MTBP: variants seen among roughly 807,000 people sequenced by gnomAD.
MTBP encodes the protein MDM2 binding protein, also known as mdm2-binding protein.
Under a neutral mutation model 117.0 loss-of-function variants are expected in MTBP, and 101 were observed. The ratio of observed to expected loss-of-function variants is 0.86; its 90% CI spans 0.73 to 1.02. MTBP has a LOEUF of 1.02. MTBP is among the 50% of genes least tolerant of loss of function. MTBP has a pLI of 0.00. For synonymous variants in MTBP, 350 were observed against 351.5 expected (o/e 1.00, Z 0.05); for missense variants, 970 against 1,030.9 (o/e 0.94, Z 0.81).
At chr8:120,456,469 C>T in intron 6 of MTBP, 84 bp from the exon 7 acceptor site, 1 of 865,330 alleles carries the variant, frequency 1.2e-6, no homozygotes, top group African/African-American at 1.7e-5. Flanking sequence ...GCAATTTTGC[C>T]TCTTAGGCTT....
rs995785555 is a variant in MTBP, at chr8:120,522,795, A to G, written c.2676+76A>G. 28 of 1,123,728 alleles carry G rather than the reference A, an allele frequency of 2.5e-5. No individual in the cohort carries two copies. In the South Asian group the frequency reaches 2.5e-4, roughly 10 times the overall value. The allele number at this position is 1,123,728 out of a possible 1,614,324, so 69.6% of individuals were successfully genotyped here. A position where few individuals can be genotyped will look rare whatever the true frequency, so the allele number is the denominator to read the frequency against. On this transcript the variant is annotated intron_variant, in intron 21 of 21. Coordinates refer to ENST00000305949, the MANE Select transcript of MTBP (RefSeq NM_022045.5). Reference sequence around the variant, plus strand: ...TTCAGGGTTGCTCTGATGCCATTATATATGCAGCAGTAATCAGTTACTGGT... The same window carrying G: ...TTCAGGGTTGCTCTGATGCCATTATGTATGCAGCAGTAATCAGTTACTGGT...
intron 10 of MTBP, among the ~76,000 whole-genome samples, chr8:120,469,148 C>T (rs1813763456): frequency 6.6e-6 from 1 of 152,050 alleles, no homozygotes; most frequent in South Asian, 2.1e-4. Flanking sequence ...CAGGTTCAAG[C>T]AATTCTCCTG....
intron 10 of MTBP, among the ~76,000 whole-genome samples, chr8:120,465,875 A>G (rs1478623691): frequency 6.6e-6 from 1 of 152,084 alleles, no homozygotes; most frequent in Non-Finnish European, 1.5e-5. Context: ...CTATAGTTTA[A>G]CACAGGTGTA....
At chr8:120,480,965 GA>G (rs1442775190) in intron 11 of MTBP, among the ~76,000 whole-genome samples, 6 of 152,088 alleles carry the variant, frequency 3.9e-5, no homozygotes, top group African/African-American at 1.4e-4. Flanking sequence ...GATAATATTT[GA>G]AAAATTCTCC....
rs563860647 is a variant in MTBP, at chr8:120,463,834, G to A, written c.1047+73G>A. ...GCCATTTAAGGATGTGTAAGAAAAG[G>A]GAATGTAACTTATTAATCTGTTTGC... On this transcript the variant is annotated intron_variant, in intron 10 of 21. Transcript: ENST00000305949. 2.2e-5 allele frequency: 30 copies of A among 1,356,676 alleles called. No homozygotes were observed. The African/African-American group carries it at 4.4e-4, about 20-fold the overall frequency. 84.0% of individuals were successfully genotyped at this position (1,356,676 alleles called of 1,614,324 possible).
intron 2 of MTBP, among the ~76,000 whole-genome samples, chr8:120,448,294 A>G (rs916908384): frequency 1.3e-5 from 2 of 151,980 alleles, no homozygotes; most frequent in Non-Finnish European, 2.9e-5. Context: ...TGCTAGCCTC[A>G]TTTTCTCTGG....
Position 120,491,139 on chromosome 8 carries a change from C to A in MTBP, c.1447+569C>A, listed in dbSNP as rs940947507. 1.3e-5 allele frequency among the ~76,000 whole-genome samples: 2 copies of A among 151,942 alleles called. 1 individual carries two copies. The highest frequency in any genetic ancestry group is 4.1e-4 in the South Asian group (2 of 4,826). ...TGGCTATCAGTCTTATTTTTTAATA[C>A]AAATTTTAAGCATTCATTTGTTGCC... On this transcript the variant is annotated intron_variant, in intron 13 of 21. Coordinates refer to ENST00000305949, the MANE Select transcript of MTBP (RefSeq NM_022045.5).
Position 120,445,442 on chromosome 8 carries a change from C to G in MTBP, c.-29C>G, listed in dbSNP as rs372865507. ...GTCTGTTTGGATGTGGAAGCCGAGA[C>G]CTAAAGTTGGGGGGTGATCTCTGAG... On this transcript the variant is annotated 5_prime_UTR_variant, in exon 1 of 22. Transcript: ENST00000305949. 9 of 1,590,220 alleles carry G rather than the reference C, an allele frequency of 5.7e-6. No individual in the cohort carries two copies. Among genetic ancestry groups the G allele is most frequent in the Non-Finnish European group, 5.2e-6 (6 of 1,160,634 alleles).
chr8:120,451,110 G>A, intron 3 of MTBP, 34 bp downstream of exon 3: 2 of 1,578,730 alleles, frequency 1.3e-6, no homozygotes, highest in Non-Finnish European at 1.7e-6. Flanking sequence ...ACTAATGAAT[G>A]TCTTTACTAA....
At chr8:120,493,490 A>G (rs896868454) in intron 13 of MTBP, among the ~76,000 whole-genome samples, 7 of 136,968 alleles carry the variant, frequency 5.1e-5, no homozygotes, top group African/African-American at 2.2e-4. Flanking sequence ...GGGTGTATAT[A>G]TATAATTTTT....
At position 120,515,953 on chromosome 8, in the gene MTBP, G is replaced by C. The variant is rs772796677; in HGVS notation, c.2008G>C (p.Glu670Gln). The change falls in exon 18 of 22, where the codon GAA becomes CAA. Residue 670 changes from glutamate (E) to glutamine (Q), a missense_variant. Coordinates refer to ENST00000305949, the MANE Select transcript of MTBP (RefSeq NM_022045.5). Reference protein sequence around the residue: ...EYCLDDRKALERDGGFSELQS... With the variant: ...EYCLDDRKALQRDGGFSELQS... ...TTGCTTGGATGACCGAAAAGCTTTGGAAAGAGATGGAGGATTTTCTGAACT... is the reference window on the plus strand; with the variant it reads ...TTGCTTGGATGACCGAAAAGCTTTGCAAAGAGATGGAGGATTTTCTGAACT... 1 of 1,612,566 alleles carries C rather than the reference G, an allele frequency of 6.2e-7. No homozygotes were observed. Among genetic ancestry groups the C allele is most frequent in the Non-Finnish European group, 8.5e-7 (1 of 1,179,008 alleles).
At chr8:120,517,790 A>T in intron 18 of MTBP, 61 bp from the exon 19 acceptor site, 1 of 1,500,468 alleles carries the variant, frequency 6.7e-7, no homozygotes, top group Non-Finnish European at 9.1e-7. Flanking sequence ...TAAGACAGAA[A>T]ATGAACTTCG....
intron 17 of MTBP, among the ~76,000 whole-genome samples, chr8:120,510,738 C>CA (rs964609232): frequency 4.0e-5 from 6 of 151,136 alleles, no homozygotes; most frequent in South Asian, 2.1e-4. Context: ...CCTGTCTCTA[C>CA]AAAAAAAATA....
At position 120,517,870 on chromosome 8, in the gene MTBP, T is replaced by G. The variant is rs765536199; in HGVS notation, c.2266T>G (p.Ser756Ala). ...ATATAGACTTGTGAAATCTGAAAGT[T>G]CAGAGTCTCTTCTTTCTCAGACAAC... ...PRKRLVKSES[S>A]ESLLSQTTGN... Residue 756 changes from serine (S) to alanine (A), a missense_variant, in exon 19 of 22, where the codon TCA becomes GCA. Coordinates refer to ENST00000305949, the MANE Select transcript of MTBP (RefSeq NM_022045.5). The G allele has an allele frequency of 3.1e-6, 5 of 1,611,310 alleles. No individual in the cohort carries two copies. In the South Asian group the frequency reaches 5.5e-5, roughly 18 times the overall value.
intron 2 of MTBP, among the ~76,000 whole-genome samples, chr8:120,447,634 C>T (rs941202750): frequency 1.3e-5 from 2 of 151,846 alleles, no homozygotes; most frequent in Non-Finnish European, 2.9e-5. Context: ...TAGAATTGTC[C>T]CATGACCTTT....
At chr8:120,512,004 T>C (rs946714289) in intron 17 of MTBP, among the ~76,000 whole-genome samples, 7 of 152,206 alleles carry the variant, frequency 4.6e-5, no homozygotes, top group Non-Finnish European at 8.8e-5. Flanking sequence ...ACATTTAAAC[T>C]TCTCCTTCTT....
rs903060100 is a variant in MTBP at position 120,502,392 on chromosome 8, TACAC to T, written c.1610-93_1610-90del. 4.2e-6 allele frequency: 3 copies of T among 712,190 alleles called. No individual in the cohort carries two copies. In the African/African-American group the frequency reaches 5.4e-5, roughly 13 times the overall value. 44.1% of individuals were successfully genotyped at this position (712,190 alleles called of 1,614,324 possible). On this transcript the variant is annotated intron_variant, in intron 14 of 21. Coordinates refer to ENST00000305949, the MANE Select transcript of MTBP (RefSeq NM_022045.5). The stretch of plus-strand genomic sequence containing the variant: ...GTAAGTATGCCTTTATAGACACACA[TACAC>T]ACACACGTATGTATGTGTCTGTAAA...
At chr8:120,496,369 CT>C (rs1814458558) in intron 13 of MTBP, among the ~76,000 whole-genome samples, 1 of 152,156 alleles carries the variant, frequency 6.6e-6, no homozygotes, top group South Asian at 2.1e-4. Flanking sequence ...TCTGGAGATT[CT>C]TTTGTTTCCA....
intron 7 of MTBP, among the ~76,000 whole-genome samples, chr8:120,457,995 G>A (rs991415774): frequency 6.6e-6 from 1 of 151,560 alleles, no homozygotes; most frequent in Non-Finnish European, 1.5e-5. Flanking sequence ...AAGTGGAAGA[G>A]TGGAAGATAC....
Sources: allele counts gnomAD v4.1 joint callset (sites outside exome capture counted in the v4.1 genomes callset), GRCh38; gene constraint gnomAD v4.1.1; transcripts MANE v1.5; gene names NCBI Gene and HGNC (gene_info 2026-07-23, HGNC 2026-07-21).